Variants in NUDT3 observed in about 807,000 individuals in gnomAD.
NUDT3 encodes diphosphoinositol polyphosphate phosphohydrolase 1.
A neutral mutation model predicts 23.6 loss-of-function variants in NUDT3; 9 were observed. The observed-to-expected ratio is 0.38, with a 90% CI of 0.23 to 0.66. NUDT3 has a LOEUF of 0.66. NUDT3 is among the 30% of genes least tolerant of loss of function. The pLI, the probability that NUDT3 is intolerant of heterozygous loss-of-function variation, is 0.52. For synonymous variants in NUDT3, 86 were observed against 82.6 expected (o/e 1.04, Z -0.22); for missense variants, 172 against 218.5 (o/e 0.79, Z 1.34).
At chr6:34,390,818 TC>T (rs1765186322) in intron 1 of NUDT3, among the ~76,000 whole-genome samples, 2 of 152,202 alleles carry the variant, frequency 1.3e-5, no homozygotes, top group Admixed American at 6.5e-5. Context: ...CCATCTGATT[TC>T]CCATAACATG....
chr6:34,378,339 T>C (rs775569860), intron 1 of NUDT3, among the ~76,000 whole-genome samples: 1 of 151,986 alleles, frequency 6.6e-6, no homozygotes, highest in African/African-American at 2.4e-5. Flanking sequence ...GCTTGCTTCA[T>C]AAATAAAATG....
In NUDT3 at chr6:34,288,065, T is replaced by G. The variant is rs1471603182; in HGVS notation, c.*688A>C. 3.3e-5 allele frequency: 5 copies of G among 152,214 alleles called. No homozygotes were observed. The highest frequency in any genetic ancestry group is 1.2e-4 in the African/African-American group (5 of 41,464). 9.4% of individuals were successfully genotyped at this position (152,214 alleles called of 1,614,324 possible). On this transcript the variant is annotated 3_prime_UTR_variant, in exon 5 of 5. Transcript: ENST00000607016. Reference sequence around the variant, plus strand: ...TATGAAGGTAGCTAAACTCTTCCCATATCTACAGTCAATGACTGGGAAATA... The same window carrying G: ...TATGAAGGTAGCTAAACTCTTCCCAGATCTACAGTCAATGACTGGGAAATA...
At position 34,382,394 on chromosome 6, in the gene NUDT3, C is replaced by T. The variant is rs761755530; in HGVS notation, c.99+9870G>A. On this transcript the variant is annotated intron_variant, in intron 1 of 4. Transcript: ENST00000607016. ...CTCCAGCCTGGGTGGCAGACCCAGA[C>T]CCTGTCTCAAAACACAAACAAACAA... Among the ~76,000 whole-genome samples, 36 of 152,158 alleles carry T rather than the reference C, an allele frequency of 2.4e-4. 1 individual carries two copies.
intron 2 of NUDT3, among the ~76,000 whole-genome samples, chr6:34,324,190 C>A (rs917454361): frequency 2.0e-5 from 3 of 152,208 alleles, no homozygotes; most frequent in East Asian, 3.9e-4. Context: ...CCCGTCTCTA[C>A]TAAAGATACA....
chr6:34,330,176 G>A (rs1012074928), intron 2 of NUDT3, among the ~76,000 whole-genome samples: 8 of 152,198 alleles, frequency 5.3e-5, no homozygotes, highest in Non-Finnish European at 1.2e-4. Context: ...GTAATGGGAT[G>A]GCTGGATCAA....
rs961251655 is a variant in NUDT3, at chr6:34,281,093, T to A, written c.*7660A>T. The A allele has an allele frequency of 7.3e-5, 11 of 151,630 alleles. No individual in the cohort carries two copies. Among genetic ancestry groups the A allele is most frequent in the African/African-American group, 2.4e-4 (10 of 41,306 alleles). 9.4% of individuals were successfully genotyped at this position (151,630 alleles called of 1,614,324 possible). A position where few individuals can be genotyped will look rare whatever the true frequency, so the allele number is the denominator to read the frequency against. ...AGAAAGCACACTAGTTCATCTCTTT[T>A]ATAAGTAGAATGGTCCCAGGGATGT... On this transcript the variant is annotated 3_prime_UTR_variant, in exon 5 of 5. Transcript: ENST00000607016.
intron 1 of NUDT3, among the ~76,000 whole-genome samples, chr6:34,356,808 C>T (rs1362813959): frequency 6.6e-6 from 1 of 151,944 alleles, no homozygotes; most frequent in African/African-American, 2.4e-5. Flanking sequence ...GACGGAGTCT[C>T]GCTCTGTTGC....
chr6:34,295,077 C>T (rs1311676916), intron 3 of NUDT3, among the ~76,000 whole-genome samples: 1 of 152,054 alleles, frequency 6.6e-6, no homozygotes, highest in Non-Finnish European at 1.5e-5. Context: ...ACCTTTCCTC[C>T]TACCTTGGTA....
At chr6:34,344,697 G>T (rs1764337892) in intron 1 of NUDT3, among the ~76,000 whole-genome samples, 1 of 152,064 alleles carries the variant, frequency 6.6e-6, no homozygotes, top group South Asian at 2.1e-4. Flanking sequence ...TGTTGCCCAG[G>T]CTGGAGTGCA....
chr6:34,288,716 G>C lies in NUDT3; in HGVS notation c.*37C>G, dbSNP rs200729933. 1,925 of 1,588,262 alleles carry C rather than the reference G, an allele frequency of 1.2e-3. 1 individual carries two copies. The highest frequency in any genetic ancestry group is 1.9e-3 in the Admixed American group (105 of 55,060). On this transcript the variant is annotated 3_prime_UTR_variant, in exon 5 of 5. Coordinates refer to ENST00000607016, the MANE Select transcript of NUDT3 (RefSeq NM_006703.4). Reference sequence around the variant, plus strand: ...GAGGGAAGATTTGCACTTCAGTCTAGTTTCCAATTTCCATTTCTCTTACAG... The same window carrying C: ...GAGGGAAGATTTGCACTTCAGTCTACTTTCCAATTTCCATTTCTCTTACAG...
chr6:34,333,417 G>C (rs1190507233), intron 2 of NUDT3, among the ~76,000 whole-genome samples: 1 of 152,112 alleles, frequency 6.6e-6, no homozygotes, highest in Non-Finnish European at 1.5e-5. Context: ...AGTAACAAAA[G>C]AAACATACAC....
intron 2 of NUDT3, among the ~76,000 whole-genome samples, chr6:34,314,742 G>A (rs1763833002): frequency 6.6e-6 from 1 of 151,962 alleles, no homozygotes; most frequent in African/African-American, 2.4e-5. Flanking sequence ...ACTCCTGAGG[G>A]TTCAGGTCAT....
intron 1 of NUDT3, among the ~76,000 whole-genome samples, chr6:34,364,705 G>A (rs1285000290): frequency 6.6e-6 from 1 of 152,202 alleles, no homozygotes; most frequent in East Asian, 1.9e-4. Flanking sequence ...ATAGCATCCA[G>A]TAGAGTGTAT....
intron 2 of NUDT3, among the ~76,000 whole-genome samples, chr6:34,303,077 A>AT: frequency 6.6e-6 from 1 of 151,980 alleles, no homozygotes; most frequent in Non-Finnish European, 1.5e-5. Context: ...GTTTTTTCAG[A>AT]TATTTTGGCA....
intron 4 of NUDT3, among the ~76,000 whole-genome samples, chr6:34,289,989 C>A (rs1297835363): frequency 2.6e-5 from 4 of 152,146 alleles, no homozygotes; most frequent in African/African-American, 7.2e-5. Context: ...GACTCTGAAG[C>A]CAAAGTGCTG....
intron 2 of NUDT3, among the ~76,000 whole-genome samples, chr6:34,340,585 G>A (rs767321564): frequency 6.6e-6 from 1 of 152,066 alleles, no homozygotes; most frequent in Non-Finnish European, 1.5e-5. Context: ...GTTCTACCCG[G>A]GTTAGCCTCC....
chr6:34,316,232 G>A (rs1252784184), intron 2 of NUDT3, among the ~76,000 whole-genome samples: 2 of 152,084 alleles, frequency 1.3e-5, no homozygotes, highest in East Asian at 1.9e-4. Flanking sequence ...CTATTTTAGG[G>A]CCTGATGTGG....
At chr6:34,351,741 C>CAA (rs1017090378) in intron 1 of NUDT3, among the ~76,000 whole-genome samples, 5,999 of 53,962 alleles carry the variant, frequency 0.11, 285 homozygotes, top group Non-Finnish European at 0.14. Flanking sequence ...AACTCTGTCT[C>CAA]AAAAAAAAAA....
chr6:34,351,433 A>T lies in NUDT3; in HGVS notation c.100-9461T>A, dbSNP rs1764474426. ...CCATCCTAGGCAATAAGGCAAGACC[A>T]TGTCTTTAAAAAAAAAAAAATTAGA... is the stretch of plus-strand genomic sequence containing the variant. On this transcript the variant is annotated intron_variant, in intron 1 of 4. Transcript: ENST00000607016. Among the ~76,000 whole-genome samples, 2 of 135,858 alleles carry T rather than the reference A, an allele frequency of 1.5e-5. 1 individual carries two copies. Among genetic ancestry groups the T allele is most frequent in the South Asian group, 4.6e-4 (2 of 4,302 alleles). The allele number at this position is 135,858 out of a possible 152,430, so 89.1% of individuals were successfully genotyped here.
Sources: allele counts gnomAD v4.1 joint callset (sites outside exome capture counted in the v4.1 genomes callset), GRCh38; gene constraint gnomAD v4.1.1; transcripts MANE v1.5; gene names NCBI Gene and HGNC (gene_info 2026-07-23, HGNC 2026-07-21).